The following SIRPB2 variants were observed in gnomAD, a reference collection of about 807,000 sequenced individuals.
SIRPB2 encodes signal regulatory protein beta 2.
Under a neutral mutation model 27.1 loss-of-function variants are expected in SIRPB2, and 18 were observed. The ratio of observed to expected loss-of-function variants is 0.66; its 90% CI spans 0.46 to 0.98. The LOEUF (loss-of-function observed/expected upper bound fraction) is 0.98, where lower values mean the gene tolerates loss of function less well. SIRPB2 is among the 50% of genes least tolerant of loss of function. The pLI is 0.00. For missense variants in SIRPB2, 420 were observed against 417.4 expected (o/e 1.01, Z -0.06); for synonymous variants, 150 against 164.6 (o/e 0.91, Z 0.68).
At chr20:1,478,034 A>G in intron 3 of SIRPB2, 1 of 660,508 alleles carries the variant, frequency 1.5e-6, no homozygotes, top group Non-Finnish European at 2.8e-6. Flanking sequence ...ATGGGGAGAA[A>G]TTAACTCTGC....
chr20:1,491,166 A>T, intron 1 of SIRPB2, 109 bp downstream of exon 1: 1 of 980,330 alleles, frequency 1.0e-6, no homozygotes, highest in Non-Finnish European at 1.5e-6. Flanking sequence ...ACCCCTCTTT[A>T]CTCTATCTTC....
At chr20:1,476,922 C>G in intron 4 of SIRPB2, 1 of 1,176,060 alleles carries the variant, frequency 8.5e-7, no homozygotes, top group Non-Finnish European at 1.1e-6. Flanking sequence ...TTCTTGTCCC[C>G]TCCCCGCTAG....
intron 1 of SIRPB2, among the ~76,000 whole-genome samples, chr20:1,489,671 C>G (rs569782924): frequency 1.3e-5 from 2 of 152,152 alleles, no homozygotes; most frequent in African/African-American, 4.8e-5. Flanking sequence ...TTTCCATCTG[C>G]ATCCTCTGCC....
chr20:1,487,158 T>A (rs1208442992), intron 1 of SIRPB2, among the ~76,000 whole-genome samples: 6 of 152,214 alleles, frequency 3.9e-5, no homozygotes, highest in Non-Finnish European at 8.8e-5. Context: ...TTATATGTAT[T>A]ACTATACACT....
At position 1,476,234 on chromosome 20, in the gene SIRPB2, T is replaced by C. The variant is rs1461799886; in HGVS notation, c.962A>G (p.Glu321Gly). The C allele has an allele frequency of 1.2e-6, 2 of 1,613,912 alleles. No individual in the cohort carries two copies. The highest frequency in any genetic ancestry group is 1.7e-5 in the Admixed American group (1 of 59,990). ...TGCTGGGCCTGTGGTCTTGACATCT[T>C]CTTGCCCAGGGCTCCTCCGAGAGGT... Reference protein sequence around the residue: ...LATSRRSPGQEDVKTTGPAGA... With the variant: ...LATSRRSPGQGDVKTTGPAGA... The change falls in exon 5 of 5, where the codon GAA becomes GGA. Residue 321 changes from glutamate (E) to glycine (G), a missense_variant. Coordinates refer to ENST00000359801, the MANE Select transcript of SIRPB2 (RefSeq NM_001122962.2).
At chr20:1,487,664 C>A (rs1004523214) in intron 1 of SIRPB2, among the ~76,000 whole-genome samples, 2 of 152,300 alleles carry the variant, frequency 1.3e-5, no homozygotes, top group East Asian at 3.9e-4. Flanking sequence ...GATGAGGTCT[C>A]GCTATGTTTT....
downstream of SIRPB2, chr20:1,470,983 T>C (rs1543423): frequency 0.31 from 47,124 of 152,136 alleles, 9,128 homozygotes; most frequent in East Asian, 0.74. Flanking sequence ...GTTTTTTGCC[T>C]GATGCTGTTT....
In SIRPB2 at chr20:1,476,132, C is replaced by T; in HGVS notation, c.*35G>A. 6.2e-7 allele frequency: 1 copy of T among 1,602,444 alleles called. No individual in the cohort carries two copies. Among genetic ancestry groups the T allele is most frequent in the Non-Finnish European group, 8.5e-7 (1 of 1,176,438 alleles). ...ATGGTTGAGGAGCCCTGGCTCCTCT[C>T]CAACTCAGAGGGTCCTCACTCTGGG... On this transcript the variant is annotated 3_prime_UTR_variant, in exon 5 of 5. Transcript: ENST00000359801.
At chr20:1,479,672 T>C in intron 2 of SIRPB2, 28 bp downstream of exon 2, 10 of 1,607,082 alleles carry the variant, frequency 6.2e-6, no homozygotes, top group Non-Finnish European at 6.8e-6. Flanking sequence ...CTGGAGCAAA[T>C]GTGTGGTCTG....
intron 3 of SIRPB2, chr20:1,478,027 G>C (rs1458107395): frequency 1.2e-5 from 8 of 651,994 alleles, no homozygotes; most frequent in Non-Finnish European, 2.3e-5. Flanking sequence ...AACCAGAATG[G>C]GGAGAAATTA....
At chr20:1,478,870 G>A (rs962557144) in intron 2 of SIRPB2, among the ~76,000 whole-genome samples, 5 of 152,230 alleles carry the variant, frequency 3.3e-5, no homozygotes, top group African/African-American at 1.2e-4. Flanking sequence ...TCTTCCAGTG[G>A]AGATGGTCAA....
At chr20:1,476,364 G>A (rs748252851) in intron 4 of SIRPB2, 28 bp from the exon 5 acceptor site, 19 of 1,592,556 alleles carry the variant, frequency 1.2e-5, no homozygotes, top group East Asian at 2.2e-5. Context: ...GAGCTCAGGC[G>A]GGACCCGTGG....
At chr20:1,479,569 G>C in intron 2 of SIRPB2, 131 bp downstream of exon 2, 1 of 1,373,514 alleles carries the variant, frequency 7.3e-7, no homozygotes, top group Admixed American at 2.1e-5. Flanking sequence ...AAATGTGCAT[G>C]TAGAGATACA....
chr20:1,480,359 A>G (rs1421907610), intron 1 of SIRPB2: 4 of 320,298 alleles, frequency 1.2e-5, no homozygotes, highest in Non-Finnish European at 2.3e-5. Flanking sequence ...GGTAAATGGC[A>G]TCATTCCCAT....
chr20:1,480,051 T>C lies in SIRPB2; in HGVS notation c.100A>G (p.Ser34Gly). ...VLVPSDASGQ[S>G]SRNDWQVLQP... ...AGCACCTGCCAGTCATTCCTGCTGC[T>C]CTGCCCAGAGGCATCTACAAAAGAG... The change falls in exon 2 of 5, where the codon AGC becomes GGC. Residue 34 changes from serine to glycine, a missense_variant. Transcript: ENST00000359801. The C allele has an allele frequency of 1.2e-6, 2 of 1,612,414 alleles. No individual in the cohort carries two copies. Among genetic ancestry groups the C allele is most frequent in the Middle Eastern group, 1.7e-4 (1 of 5,942 alleles).
chr20:1,473,379 T>C (rs113546039), downstream of SIRPB2: 15,589 of 135,460 alleles, frequency 0.12, 941 homozygotes, highest in Admixed American at 0.2. Flanking sequence ...CACGCACACA[T>C]GCACACACGC....
downstream of SIRPB2, chr20:1,473,664 G>A (rs73567315): frequency 5.2e-3 from 1,630 of 315,460 alleles, 32 homozygotes; most frequent in African/African-American, 0.032. Context: ...TGTGGTCAAA[G>A]TCCAGAGGGG....
chr20:1,487,850 G>T (rs543915435), intron 1 of SIRPB2, among the ~76,000 whole-genome samples: 25 of 152,310 alleles, frequency 1.6e-4, no homozygotes, highest in African/African-American at 5.5e-4. Flanking sequence ...GGAGAATGGG[G>T]AGTTTTTTCA....
chr20:1,477,940 C>T, intron 3 of SIRPB2: 2 of 483,254 alleles, frequency 4.1e-6, no homozygotes, highest in Non-Finnish European at 4.1e-6. Flanking sequence ...TCCCAAAGTG[C>T]TGGGATTACA....
Sources: allele counts gnomAD v4.1 joint callset (sites outside exome capture counted in the v4.1 genomes callset), GRCh38; gene constraint gnomAD v4.1.1; transcripts MANE v1.5; gene names NCBI Gene and HGNC (gene_info 2026-07-23, HGNC 2026-07-21).